LAMTOR3: variants seen among roughly 807,000 people sequenced by gnomAD.
LAMTOR3 encodes the protein ragulator complex protein LAMTOR3.
In LAMTOR3, 14 loss-of-function variants were observed where a neutral mutation model predicts 20.3. The ratio of observed to expected loss-of-function variants is 0.69; its 90% CI spans 0.46 to 1.08. LAMTOR3 has a LOEUF of 1.08. LAMTOR3 is among the 50% of genes least tolerant of loss of function. LAMTOR3 has a pLI of 0.00. For synonymous variants in LAMTOR3, 40 were observed against 49.4 expected, an observed-to-expected ratio of 0.81 and a Z score of 0.80; for missense variants, 125 against 143.7, an observed-to-expected ratio of 0.87 and a Z score of 0.67.
rs1193443108 is a variant in LAMTOR3 at position 99,879,306 on chromosome 4, A to G, written c.*2688T>C. The G allele has an allele frequency of 1.3e-5, 2 of 152,190 alleles. No individual in the cohort carries two copies. Among genetic ancestry groups the G allele is most frequent in the Non-Finnish European group, 2.9e-5 (2 of 68,024 alleles). 9.4% of individuals were successfully genotyped at this position (152,190 alleles called of 1,614,324 possible). A position where few individuals can be genotyped will look rare whatever the true frequency, so the allele number is the denominator to read the frequency against. ...TACATTACCCTTTCAAAAATTTCTTAGCAATTTTCACCACCTTATTTTTCC... is the reference window on the plus strand; with the variant it reads ...TACATTACCCTTTCAAAAATTTCTTGGCAATTTTCACCACCTTATTTTTCC... On this transcript the variant is annotated 3_prime_UTR_variant, in exon 7 of 7. Transcript: ENST00000499666.
chr4:99,894,242 AAAG>A (rs1339009916), intron 1 of LAMTOR3, 90 bp downstream of exon 1: 1 of 372,986 alleles, frequency 2.7e-6, no homozygotes, highest in Non-Finnish European at 4.8e-6. Flanking sequence ...GGCCCAAAGA[AAAG>A]AAGAGAGGGT....
intron 3 of LAMTOR3, among the ~76,000 whole-genome samples, chr4:99,890,628 TA>T (rs1006754784): frequency 2.6e-4 from 38 of 148,992 alleles, no homozygotes; most frequent in Admixed American, 8.0e-4. Context: ...TTTTCATTAT[TA>T]AAAAAAAAAC....
At chr4:99,884,173 A>T (rs768827821) in intron 5 of LAMTOR3, 48 bp from the exon 6 acceptor site, 1 of 1,399,016 alleles carries the variant, frequency 7.1e-7, no homozygotes, top group South Asian at 1.2e-5. Context: ...ATGAAAAGGT[A>T]GTATAACTAA....
chr4:99,891,820 C>A (rs1400971294), intron 3 of LAMTOR3, among the ~76,000 whole-genome samples, 180 bp downstream of exon 3: 1 of 152,092 alleles, frequency 6.6e-6, no homozygotes, highest in Non-Finnish European at 1.5e-5. Flanking sequence ...AACTTATTGA[C>A]ATAAATGAGG....
Position 99,885,073 on chromosome 4 carries a change from A to G in LAMTOR3, c.237+469T>C, listed in dbSNP as rs150897861. Among the ~76,000 whole-genome samples the G allele has an allele frequency of 2.3e-3, 351 of 152,338 alleles. 3 individuals carry two copies. The highest frequency in any genetic ancestry group is 0.013 in the Admixed American group (193 of 15,304). The stretch of plus-strand genomic sequence containing the variant: ...AGAAAATGTAGCTTGAGATCAAGAG[A>G]CATGCAAAAACTAAAAACTAACTTC... On this transcript the variant is annotated intron_variant, in intron 5 of 6. Transcript: ENST00000499666.
In LAMTOR3 at chr4:99,878,472, A is replaced by C. The variant is rs1398765807; in HGVS notation, c.*3522T>G. Reference sequence around the variant, plus strand: ...AAAGTACAATGAAGTTTACAATGAAAAGGCTCACTCCTGGGATCCTTATCC... The same window carrying C: ...AAAGTACAATGAAGTTTACAATGAACAGGCTCACTCCTGGGATCCTTATCC... On this transcript the variant is annotated 3_prime_UTR_variant, in exon 7 of 7. Coordinates refer to ENST00000499666, the MANE Select transcript of LAMTOR3 (RefSeq NM_021970.4). The C allele has an allele frequency of 6.6e-6, 1 of 152,214 alleles. No homozygotes were observed. The highest frequency in any genetic ancestry group is 1.5e-5 in the Non-Finnish European group (1 of 68,050). The allele number at this position is 152,214 out of a possible 1,614,324, so 9.4% of individuals were successfully genotyped here.
Position 99,885,691 on chromosome 4 carries a change from A to T in LAMTOR3, c.104-16T>A. Reference sequence around the variant, plus strand: ...TCATTTGCCACTAGAAAAATAAGTGATTTAAATAAAAATTATGCAGAGGAT... The same window carrying T: ...TCATTTGCCACTAGAAAAATAAGTGTTTTAAATAAAAATTATGCAGAGGAT... On this transcript the variant is annotated splice_polypyrimidine_tract_variant and intron_variant, in intron 4 of 6. Coordinates refer to ENST00000499666, the MANE Select transcript of LAMTOR3 (RefSeq NM_021970.4). The T allele has an allele frequency of 6.2e-7, 1 of 1,605,782 alleles. No individual in the cohort carries two copies. Among genetic ancestry groups the T allele is most frequent in the Non-Finnish European group, 8.5e-7 (1 of 1,175,578 alleles).
At chr4:99,886,929 T>TGTGTGTGTGTATATATAC (rs1553944062) in intron 4 of LAMTOR3, among the ~76,000 whole-genome samples, 5,519 of 151,956 alleles carry the variant, frequency 0.036, 149 homozygotes, top group Middle Eastern at 0.11. Flanking sequence ...TGTATATATA[T>TGTGTGTGTGTATATATAC]ACACACACAC....
intron 3 of LAMTOR3, among the ~76,000 whole-genome samples, chr4:99,891,598 ATAAAG>A (rs757961647): frequency 2.6e-5 from 4 of 152,204 alleles, no homozygotes; most frequent in Non-Finnish European, 4.4e-5. Context: ...TCTCCCAATG[ATAAAG>A]TATGTGACAT....
chr4:99,892,342 T>C (rs1162093660), intron 2 of LAMTOR3, among the ~76,000 whole-genome samples: 1 of 152,220 alleles, frequency 6.6e-6, no homozygotes, highest in Non-Finnish European at 1.5e-5. Flanking sequence ...GGGAAACACA[T>C]TTTAGCCATA....
rs894211726 is a variant in LAMTOR3, at chr4:99,881,330, C to T, written c.*664G>A. 6.6e-6 allele frequency: 1 copy of T among 152,040 alleles called. No homozygotes were observed. Among genetic ancestry groups the T allele is most frequent in the African/African-American group, 2.4e-5 (1 of 41,388 alleles). 9.4% of individuals were successfully genotyped at this position (152,040 alleles called of 1,614,324 possible). ...TTGTATTTAAATTTTATGAAGAACA[C>T]ACAAACATTAAAACACTGATTGGTT... On this transcript the variant is annotated 3_prime_UTR_variant, in exon 7 of 7. Transcript: ENST00000499666.
At chr4:99,890,486 T>C (rs1725002735) in intron 3 of LAMTOR3, among the ~76,000 whole-genome samples, 1 of 152,214 alleles carries the variant, frequency 6.6e-6, no homozygotes, top group East Asian at 1.9e-4. Context: ...CCCATACATC[T>C]AGCAACAAAT....
intron 6 of LAMTOR3, 25 bp from the exon 7 acceptor site, chr4:99,882,092 T>C: frequency 7.0e-7 from 1 of 1,431,290 alleles, no homozygotes; most frequent in Non-Finnish European, 9.6e-7. Context: ...TTAAGAAAAT[T>C]ACATGTTAGA....
rs1724815471 is a variant in LAMTOR3, at chr4:99,881,006, G to C, written c.*988C>G. On this transcript the variant is annotated 3_prime_UTR_variant, in exon 7 of 7. Transcript: ENST00000499666. ...CGGAGTCTCTGTTGCCCAGGCTGGG[G>C]TGCAGTGGCACAATCTTGGCTGACT... The C allele has an allele frequency of 6.6e-6, 1 of 152,194 alleles. No homozygotes were observed. Among genetic ancestry groups the C allele is most frequent in the Non-Finnish European group, 1.5e-5 (1 of 68,056 alleles). 9.4% of individuals were successfully genotyped at this position (152,194 alleles called of 1,614,324 possible).
At chr4:99,885,134 T>A (rs530971493) in intron 5 of LAMTOR3, among the ~76,000 whole-genome samples, 1 of 152,130 alleles carries the variant, frequency 6.6e-6, no homozygotes, top group African/African-American at 2.4e-5. Flanking sequence ...ATTACATATA[T>A]ATATTTCCAA....
In LAMTOR3 at chr4:99,881,453, C is replaced by T. The variant is rs2110178474; in HGVS notation, c.*541G>A. On this transcript the variant is annotated 3_prime_UTR_variant, in exon 7 of 7. Transcript: ENST00000499666. ...AATAATCAAACTGATTAGTAATATT[C>T]ATCTATACTGCAAAATAATATGTAC... 1 of 152,412 alleles carries T rather than the reference C, an allele frequency of 6.6e-6. No homozygotes were observed. Among genetic ancestry groups the T allele is most frequent in the South Asian group, 2.1e-4 (1 of 4,830 alleles). 9.4% of individuals were successfully genotyped at this position (152,412 alleles called of 1,614,324 possible). A position where few individuals can be genotyped will look rare whatever the true frequency, so the allele number is the denominator to read the frequency against.
intron 6 of LAMTOR3, among the ~76,000 whole-genome samples, chr4:99,882,892 T>C (rs1724854223): frequency 2.0e-5 from 3 of 152,066 alleles, no homozygotes; most frequent in Admixed American, 1.3e-4. Flanking sequence ...TTGCTTCTCC[T>C]TAGTTTACTA....
chr4:99,888,238 T>C (rs143667687), intron 3 of LAMTOR3, among the ~76,000 whole-genome samples: 2 of 152,374 alleles, frequency 1.3e-5, no homozygotes, highest in East Asian at 3.9e-4. Flanking sequence ...TGGGAATAAC[T>C]GTACTTACTT....
At chr4:99,885,782 T>A (rs575649824) in intron 4 of LAMTOR3, 107 bp from the exon 5 acceptor site, 1 of 919,000 alleles carries the variant, frequency 1.1e-6, no homozygotes, top group Admixed American at 3.1e-5. Flanking sequence ...ACAAAGGTTA[T>A]GTTTCACAAT....
Sources: gnomAD v4.1 joint callset for allele counts (sites outside exome capture counted in the v4.1 genomes callset) on GRCh38, gnomAD v4.1.1 for gene constraint, MANE v1.5 for transcripts, NCBI Gene and HGNC (gene_info 2026-07-23, HGNC 2026-07-21) for gene names.